CSMD1: variants seen among roughly 807,000 people sequenced by gnomAD.
The protein encoded by CSMD1 is CUB and sushi domain-containing protein 1.
Under a neutral mutation model 417.5 loss-of-function variants are expected in CSMD1, and 213 were observed. The observed-to-expected ratio is 0.51, with a 90% CI of 0.46 to 0.57. CSMD1 has a LOEUF of 0.57. CSMD1 is among the 20% of genes least tolerant of loss of function. The pLI is 0.00. For synonymous variants in CSMD1, 2,862 were observed against 1,736.8 expected, an observed-to-expected ratio of 1.65 and a Z score of -16.11; for missense variants, 6,923 against 4,529.7, an observed-to-expected ratio of 1.53 and a Z score of -15.17.
At chr8:4,273,593 C>T (rs1387627622) in intron 3 of CSMD1, among the ~76,000 whole-genome samples, 1 of 152,224 alleles carries the variant, frequency 6.6e-6, no homozygotes, top group African/African-American at 2.4e-5. Context: ...ATTTGTCGTT[C>T]ATTTGAAATT....
At chr8:4,076,188 G>C (rs1172105799) in intron 3 of CSMD1, among the ~76,000 whole-genome samples, 1 of 152,162 alleles carries the variant, frequency 6.6e-6, no homozygotes, top group South Asian at 2.1e-4. Flanking sequence ...CAGTGAGTGA[G>C]TTCTCACAAG....
At chr8:3,558,532 CG>C (rs1563152737) in intron 10 of CSMD1, among the ~76,000 whole-genome samples, 331 of 81,648 alleles carry the variant, frequency 4.1e-3, no homozygotes, top group African/African-American at 0.011. Context: ...ACTCCTCCAA[CG>C]ATGAACGGTG....
At chr8:3,899,084 G>A (rs1037798515) in intron 5 of CSMD1, among the ~76,000 whole-genome samples, 2 of 152,110 alleles carry the variant, frequency 1.3e-5, no homozygotes, top group Non-Finnish European at 1.5e-5. Flanking sequence ...AATAGAGAAG[G>A]GTTCATCTCT....
intron 26 of CSMD1, among the ~76,000 whole-genome samples, chr8:3,271,927 C>T (rs548856670): frequency 7.2e-5 from 11 of 152,160 alleles, no homozygotes; most frequent in South Asian, 4.2e-4. Context: ...AGAAGCTCTT[C>T]AGTTTAATTA....
In CSMD1 at chr8:2,937,441, A is replaced by AC. The variant is rs1801557385; in HGVS notation, c.*1143_*1144insG. The AC allele has an allele frequency of 6.3e-5, 5 of 79,932 alleles. No individual in the cohort carries two copies. The highest frequency in any genetic ancestry group is 1.1e-4 in the Non-Finnish European group (4 of 36,526). The allele number at this position is 79,932 out of a possible 1,614,324, so 5.0% of individuals were successfully genotyped here. ...GATCGATGGCACAGTAAAAGACAAA[A>AC]AAAAAAAAAAACAAAAAAAAAACAC... is the stretch of plus-strand genomic sequence containing the variant. On this transcript the variant is annotated 3_prime_UTR_variant, in exon 70 of 70. Transcript: ENST00000635120.
chr8:4,517,476 A>T (rs1266927358), intron 2 of CSMD1, among the ~76,000 whole-genome samples: 2 of 152,242 alleles, frequency 1.3e-5, no homozygotes, highest in Non-Finnish European at 2.9e-5. Context: ...AGACACATAG[A>T]TAATGTTCCT....
intron 1 of CSMD1, among the ~76,000 whole-genome samples, chr8:4,906,593 T>C (rs6982376): frequency 0.81 from 122,567 of 151,632 alleles, 49,634 homozygotes; most frequent in Admixed American, 0.84. Flanking sequence ...TTCCCCCACT[T>C]TGTCGACCAG....
chr8:4,115,899 G>C (rs530541538), intron 3 of CSMD1, among the ~76,000 whole-genome samples: 2 of 152,082 alleles, frequency 1.3e-5, no homozygotes, highest in Admixed American at 1.3e-4. Context: ...ACAGAAGAAA[G>C]ATCAGTGGTT....
intron 5 of CSMD1, among the ~76,000 whole-genome samples, chr8:3,876,184 G>C (rs1020931974): frequency 1.3e-5 from 2 of 152,158 alleles, no homozygotes; most frequent in Admixed American, 6.5e-5. Flanking sequence ...GGAAACTCAT[G>C]TTTGAAAGGA....
intron 2 of CSMD1, among the ~76,000 whole-genome samples, chr8:4,514,283 C>T (rs1337591336): frequency 6.6e-6 from 1 of 152,068 alleles, no homozygotes; most frequent in African/African-American, 2.4e-5. Context: ...GATCAGGCCC[C>T]ACTCTTATTA....
intron 36 of CSMD1, among the ~76,000 whole-genome samples, chr8:3,182,026 T>C (rs1821364276): frequency 1.3e-5 from 2 of 152,190 alleles, no homozygotes; most frequent in Non-Finnish European, 2.9e-5. Flanking sequence ...ATTCTCTAAA[T>C]TGGAAGTGTA....
chr8:4,051,813 TTTTCTTCTC>T (rs1188243391), intron 3 of CSMD1, among the ~76,000 whole-genome samples: 3 of 151,618 alleles, frequency 2.0e-5, no homozygotes, highest in African/African-American at 4.8e-5. Flanking sequence ...ATACTGACAG[TTTTCTTCTC>T]TTTCTTCTCT....
At chr8:4,473,941 G>A (rs1357063938) in intron 2 of CSMD1, among the ~76,000 whole-genome samples, 1 of 152,012 alleles carries the variant, frequency 6.6e-6, no homozygotes, top group Non-Finnish European at 1.5e-5. Context: ...TAAAGCAAAT[G>A]GTTTTCTACT....
intron 8 of CSMD1, among the ~76,000 whole-genome samples, chr8:3,595,459 C>T (rs538496873): frequency 6.6e-6 from 1 of 152,106 alleles, no homozygotes; most frequent in South Asian, 2.1e-4. Context: ...AGTTTAACAC[C>T]ACTAAAAATG....
intron 1 of CSMD1, among the ~76,000 whole-genome samples, chr8:4,735,898 G>C (rs951557273): frequency 6.6e-6 from 1 of 152,126 alleles, no homozygotes; most frequent in South Asian, 2.1e-4. Flanking sequence ...TGCTTTACTA[G>C]AGATTTACTG....
At chr8:3,269,225 A>G (rs192811521) in intron 26 of CSMD1, among the ~76,000 whole-genome samples, 96 of 152,340 alleles carry the variant, frequency 6.3e-4, no homozygotes, top group African/African-American at 1.8e-3. Flanking sequence ...CTTTGGGCCT[A>G]TGCTGTTCAC....
chr8:3,265,035 A>G (rs1409490948), intron 26 of CSMD1, among the ~76,000 whole-genome samples: 2 of 152,192 alleles, frequency 1.3e-5, no homozygotes, highest in Non-Finnish European at 2.9e-5. Flanking sequence ...TTATATGGGA[A>G]AAGCATCTTT....
chr8:4,280,593 G>A (rs529970258), intron 3 of CSMD1, among the ~76,000 whole-genome samples: 2 of 152,232 alleles, frequency 1.3e-5, no homozygotes, highest in East Asian at 1.9e-4. Context: ...GGAAAAATGG[G>A]TACTGTTTGA....
At position 3,425,875 on chromosome 8, in the gene CSMD1, A is replaced by G. The variant is rs966777460; in HGVS notation, c.1562-16270T>C. Among the ~76,000 whole-genome samples, 4 of 152,266 alleles carry G rather than the reference A, an allele frequency of 2.6e-5. No homozygotes were observed. In the East Asian group the frequency reaches 5.8e-4, roughly 22 times the overall value. Reference sequence around the variant, plus strand: ...AGAATAAAACTGATCAAAGATGACCACAAAAGATTTTAGTGTCTACCATCT... The same window carrying G: ...AGAATAAAACTGATCAAAGATGACCGCAAAAGATTTTAGTGTCTACCATCT... On this transcript the variant is annotated intron_variant, in intron 12 of 69. Coordinates refer to ENST00000635120, the MANE Select transcript of CSMD1 (RefSeq NM_033225.6).
Sources: gnomAD v4.1 joint callset for allele counts (sites outside exome capture counted in the v4.1 genomes callset) on GRCh38, gnomAD v4.1.1 for gene constraint, MANE v1.5 for transcripts, NCBI Gene and HGNC (gene_info 2026-07-23, HGNC 2026-07-21) for gene names.